GDPD3: variants seen among roughly 807,000 people sequenced by gnomAD.
GDPD3 encodes glycerophosphodiester phosphodiesterase domain containing 3, also known as lysophospholipase D GDPD3.
In GDPD3, 40 loss-of-function variants were observed where a neutral mutation model predicts 43.7. The ratio of observed to expected loss-of-function variants is 0.91; its 90% CI spans 0.71 to 1.19. GDPD3 has a LOEUF of 1.19. Ranked by LOEUF, GDPD3 falls within the 50% of genes most tolerant of loss-of-function variation. The pLI is 0.00. For synonymous variants in GDPD3, 145 were observed against 162.9 expected (o/e 0.89, Z 0.84); for missense variants, 363 against 415.8 (o/e 0.87, Z 1.11).
intron 9 of GDPD3, among the ~76,000 whole-genome samples, chr16:30,106,741 C>T (rs2072863499): frequency 2.6e-5 from 4 of 152,138 alleles, no homozygotes; most frequent in Admixed American, 2.6e-4. Flanking sequence ...CAGTCTTGCT[C>T]TGTCGCCCAG....
At position 30,112,302 on chromosome 16, in the gene GDPD3, C is replaced by T; in HGVS notation, c.483+4G>A. On this transcript the variant is annotated splice_donor_region_variant and intron_variant, in intron 5 of 9. Transcript: ENST00000406256. The surrounding 1 kb of genome is among the most constrained non-coding windows in gnomAD (Gnocchi z 5.4). ...GGCCGCCCTAGCCCTGCCTGCAGCA[C>T]CACCTCACGGATGAGCTCTTCGTTC... 1.9e-6 allele frequency: 3 copies of T among 1,614,028 alleles called. No individual in the cohort carries two copies. The highest frequency in any genetic ancestry group is 2.5e-6 in the Non-Finnish European group (3 of 1,179,854).
chr16:30,112,389 G>GAT lies in GDPD3; in HGVS notation c.399_400insAT (p.Arg134IlefsTer15), dbSNP rs898823207. ...AACCTCTGGAACAGGTCCTCCAGAC[G>GAT]AACCATGCGCCGGTCTGACCCGTGA... is the stretch of plus-strand genomic sequence containing the variant. On this transcript the variant is annotated frameshift_variant, in exon 5 of 10. Transcript: ENST00000406256. LOFTEE classifies it high-confidence loss of function. The surrounding 1 kb of genome is among the most constrained non-coding windows in gnomAD (Gnocchi z 5.4). 2.5e-6 allele frequency: 4 copies of GAT among 1,613,888 alleles called. No individual in the cohort carries two copies. Among genetic ancestry groups the GAT allele is most frequent in the Non-Finnish European group, 3.4e-6 (4 of 1,179,738 alleles).
intron 7 of GDPD3, 117 bp downstream of exon 7, chr16:30,111,271 A>G: frequency 8.4e-7 from 1 of 1,193,230 alleles, no homozygotes; most frequent in Non-Finnish European, 1.2e-6. Context: ...CACTGTCCTT[A>G]AAAGACCTTG....
chr16:30,108,484 A>G, intron 7 of GDPD3, 52 bp from the exon 8 acceptor site: 1 of 1,573,566 alleles, frequency 6.4e-7, no homozygotes, highest in Non-Finnish European at 8.7e-7. Flanking sequence ...CCTGTCCCAG[A>G]GGTGGGGTGG....
intron 7 of GDPD3, among the ~76,000 whole-genome samples, chr16:30,109,559 C>T (rs2072885512): frequency 6.6e-6 from 1 of 151,882 alleles, no homozygotes; most frequent in African/African-American, 2.4e-5. Context: ...GTAATCCCAA[C>T]ACTTTGGGAG....
At chr16:30,106,404 T>C (rs949047833) in intron 9 of GDPD3, among the ~76,000 whole-genome samples, 1 of 152,146 alleles carries the variant, frequency 6.6e-6, no homozygotes, top group South Asian at 2.1e-4. Flanking sequence ...TGAGAGCTAG[T>C]TGTTGACCAC....
In GDPD3 at chr16:30,113,527, G is replaced by A. The variant is rs747703291; in HGVS notation, c.-49C>T. 71 of 1,489,292 alleles carry A rather than the reference G, an allele frequency of 4.8e-5. No individual in the cohort carries two copies. Among genetic ancestry groups the A allele is most frequent in the Admixed American group, 1.2e-4 (6 of 48,098 alleles). 92.3% of individuals were successfully genotyped at this position (1,489,292 alleles called of 1,614,324 possible). A position where few individuals can be genotyped will look rare whatever the true frequency, so the allele number is the denominator to read the frequency against. Reference sequence around the variant, plus strand: ...TGCAGCCACACGCTCAGCCGTCCGCGGGACTGTGCTGCCTGCCTAGCCAGT... The same window carrying A: ...TGCAGCCACACGCTCAGCCGTCCGCAGGACTGTGCTGCCTGCCTAGCCAGT... On this transcript the variant is annotated 5_prime_UTR_variant, in exon 1 of 10. Transcript: ENST00000406256. This position sits in a 1 kb window ranked among gnomAD's most constrained non-coding sequence, Gnocchi z 5.9.
chr16:30,109,761 C>T (rs2072886681), intron 7 of GDPD3, among the ~76,000 whole-genome samples: 1 of 152,062 alleles, frequency 6.6e-6, no homozygotes, highest in African/African-American at 2.4e-5. Flanking sequence ...GCCAAGATGG[C>T]ACCATTGCAC....
At chr16:30,110,104 A>C (rs2151040949) in intron 7 of GDPD3, among the ~76,000 whole-genome samples, 1 of 152,212 alleles carries the variant, frequency 6.6e-6, no homozygotes, top group African/African-American at 2.4e-5. Context: ...GGGTGCTGCA[A>C]GGTAAAAGTC....
At position 30,112,420 on chromosome 16, in the gene GDPD3, G is replaced by C; in HGVS notation, c.369C>G (p.His123Gln). ...TGCGCCGGTCTGACCCGTGAGCAAA[G>C]TGGCCTGGGGGTGGTGTGGGAAAAG... ...EKLEVYFSPG[H>Q]FAHGSDRRMV... Residue 123 changes from histidine to glutamine, a missense_variant, in exon 5 of 10, where the codon CAC (histidine) becomes CAG (glutamine). Coordinates refer to ENST00000406256, the MANE Select transcript of GDPD3 (RefSeq NM_024307.3). This position sits in a 1 kb window ranked among gnomAD's most constrained non-coding sequence, Gnocchi z 5.4. The C allele has an allele frequency of 6.2e-7, 1 of 1,614,232 alleles. No individual in the cohort carries two copies. The highest frequency in any genetic ancestry group is 2.2e-5 in the East Asian group (1 of 44,888).
At chr16:30,109,055 C>T (rs1028450003) in intron 7 of GDPD3, among the ~76,000 whole-genome samples, 1 of 152,072 alleles carries the variant, frequency 6.6e-6, no homozygotes, top group African/African-American at 2.4e-5. Context: ...TGGTCTCGAT[C>T]TCCTGACTTT....
intron 7 of GDPD3, 123 bp from the exon 8 acceptor site, chr16:30,108,555 A>C: frequency 1.2e-6 from 1 of 849,206 alleles, no homozygotes; most frequent in Non-Finnish European, 2.0e-6. Flanking sequence ...AATCCCCCAG[A>C]ATAACCTTTG....
chr16:30,113,211 G>A lies in GDPD3; in HGVS notation c.139+129C>T, dbSNP rs1490351416. On this transcript the variant is annotated intron_variant, in intron 1 of 9. Transcript: ENST00000406256. The surrounding 1 kb of genome is among the most constrained non-coding windows in gnomAD (Gnocchi z 5.9). ...AGGCTGCGCCAGCATCTTCTTCCTC[G>A]TCCACACCCTGCCCTGCCACTTCGC... The A allele has an allele frequency of 6.5e-6, 9 of 1,394,816 alleles. No individual in the cohort carries two copies. The highest frequency in any genetic ancestry group is 2.1e-5 in the Admixed American group (1 of 47,266). 86.4% of individuals were successfully genotyped at this position (1,394,816 alleles called of 1,614,324 possible). A position where few individuals can be genotyped will look rare whatever the true frequency, so the allele number is the denominator to read the frequency against.
Position 30,112,873 on chromosome 16 carries a change from G to A in GDPD3, c.183-80C>T. ...TGGTGGCTGGGAGGTGGCCGGGAAT[G>A]TGAGAGCGGAGTTCGTGGCGGGATG... is the stretch of plus-strand genomic sequence containing the variant. On this transcript the variant is annotated intron_variant, in intron 2 of 9. Transcript: ENST00000406256. This position sits in a 1 kb window ranked among gnomAD's most constrained non-coding sequence, Gnocchi z 5.4. The A allele has an allele frequency of 4.5e-6, 7 of 1,552,616 alleles. No homozygotes were observed. The highest frequency in any genetic ancestry group is 6.2e-6 in the Non-Finnish European group (7 of 1,131,068).
At chr16:30,107,010 C>G (rs767757271) in intron 9 of GDPD3, among the ~76,000 whole-genome samples, 1 of 152,092 alleles carries the variant, frequency 6.6e-6, no homozygotes, top group Non-Finnish European at 1.5e-5. Context: ...CACCCTGCCT[C>G]TGCATTTTTC....
At position 30,108,927 on chromosome 16, in the gene GDPD3, G is replaced by A. The variant is rs887379310; in HGVS notation, c.708-495C>T. Among the ~76,000 whole-genome samples the A allele has an allele frequency of 4.6e-5, 7 of 152,044 alleles. No individual in the cohort carries two copies. In the East Asian group the frequency reaches 1.2e-3, roughly 25 times the overall value. ...GCTCACTGCAAGCTCCGCCTCCTGG[G>A]TTCACACCATTCTCCTGCCTCAGCC... On this transcript the variant is annotated intron_variant, in intron 7 of 9. Coordinates refer to ENST00000406256, the MANE Select transcript of GDPD3 (RefSeq NM_024307.3).
At chr16:30,107,976 T>G in intron 9 of GDPD3, 1 of 305,290 alleles carries the variant, frequency 3.3e-6, no homozygotes, top group Non-Finnish European at 6.0e-6. Context: ...GGTGACAGAG[T>G]GAGACTCTTG....
In GDPD3 at chr16:30,112,643, C is replaced by CAGGGCAGGGCCCACCTCGA. The variant is rs2072911619; in HGVS notation, c.314_318+14dup. On this transcript the variant is annotated intron_variant, in intron 3 of 9. Coordinates refer to ENST00000406256, the MANE Select transcript of GDPD3 (RefSeq NM_024307.3). This position sits in a 1 kb window ranked among gnomAD's most constrained non-coding sequence, Gnocchi z 5.4. Reference sequence around the variant, plus strand: ...ACTCTCAGGGTGGGGGTTGGGGTGTCAGGGCAGGGCCCACCTCGAAGTCCA... The same window carrying CAGGGCAGGGCCCACCTCGA: ...ACTCTCAGGGTGGGGGTTGGGGTGTCAGGGCAGGGCCCACCTCGAAGGGCAGGGCCCACCTCGAAGTCCA... The CAGGGCAGGGCCCACCTCGA allele has an allele frequency of 6.2e-7, 1 of 1,613,898 alleles. No individual in the cohort carries two copies. The highest frequency in any genetic ancestry group is 1.3e-5 in the African/African-American group (1 of 74,892).
chr16:30,113,156 TCC>T lies in GDPD3; in HGVS notation c.140-94_140-93del. On this transcript the variant is annotated intron_variant, in intron 1 of 9. Coordinates refer to ENST00000406256, the MANE Select transcript of GDPD3 (RefSeq NM_024307.3). The surrounding 1 kb of genome is among the most constrained non-coding windows in gnomAD (Gnocchi z 5.9). The stretch of plus-strand genomic sequence containing the variant: ...CACATTCCCTCTCTGGGCTCCATCC[TCC>T]CTCTGGCCTCACCTCCCCAGCCAGC... The T allele has an allele frequency of 7.2e-7, 1 of 1,393,444 alleles. No homozygotes were observed. The highest frequency in any genetic ancestry group is 1.3e-5 in the South Asian group (1 of 78,080). The allele number at this position is 1,393,444 out of a possible 1,614,324, so 86.3% of individuals were successfully genotyped here. A position where few individuals can be genotyped will look rare whatever the true frequency, so the allele number is the denominator to read the frequency against.
Sources: gnomAD v4.1 joint callset for allele counts (sites outside exome capture counted in the v4.1 genomes callset) on GRCh38, gnomAD v4.1.1 for gene constraint, Gnocchi (gnomAD v3.1) non-coding constraint, MANE v1.5 for transcripts, NCBI Gene and HGNC (gene_info 2026-07-23, HGNC 2026-07-21) for gene names.